Variants in SLC6A2 observed in about 807,000 individuals in gnomAD.
The protein encoded by SLC6A2 is solute carrier family 6 member 2.
SLC6A2 carries 26 observed loss-of-function variants against 71.7 expected under a neutral mutation model. The ratio of observed to expected loss-of-function variants is 0.36; its 90% confidence interval spans 0.27 to 0.50. The LOEUF (loss-of-function observed/expected upper bound fraction) is 0.50. SLC6A2 is among the 20% of genes least tolerant of loss of function. The pLI, the probability that SLC6A2 is intolerant of heterozygous loss-of-function variation, is 0.96. For missense variants in SLC6A2, 581 were observed against 803.9 expected, an observed-to-expected ratio of 0.72 and a Z score of 3.35; for synonymous variants, 363 against 337.9, an observed-to-expected ratio of 1.07 and a Z score of -0.82.
In SLC6A2 at chr16:55,656,573, C is replaced by G; in HGVS notation, c.-51-71C>G. On this transcript the variant is annotated intron_variant, in intron 1 of 14. Transcript: ENST00000568943. The surrounding 1 kb of genome is among the most constrained non-coding windows in gnomAD (Gnocchi z 4.5). ...CTCATCCCAGTGTCTAAGGCGCTCC[C>G]GGGTGGTCTTGGGAGTTGCAAGTAG... is the stretch of plus-strand genomic sequence containing the variant. 1 of 1,262,066 alleles carries G rather than the reference C, an allele frequency of 7.9e-7. No homozygotes were observed. Among genetic ancestry groups the G allele is most frequent in the Non-Finnish European group, 1.1e-6 (1 of 872,544 alleles). 78.2% of individuals were successfully genotyped at this position (1,262,066 alleles called of 1,614,324 possible).
chr16:55,668,013 G>C (rs1964801868), intron 2 of SLC6A2, among the ~76,000 whole-genome samples: 1 of 152,212 alleles, frequency 6.6e-6, no homozygotes, highest in African/African-American at 2.4e-5. Flanking sequence ...GGTAGTGTAA[G>C]TGGGATCAAG....
At chr16:55,669,800 G>A (rs2142509045) in intron 3 of SLC6A2, 104 bp downstream of exon 3, 1 of 1,299,128 alleles carries the variant, frequency 7.7e-7, no homozygotes, top group Non-Finnish European at 1.1e-6. Flanking sequence ...CTCCTGTCAT[G>A]TGGGATTCAC....
intron 10 of SLC6A2, 142 bp downstream of exon 10, chr16:55,698,167 C>G (rs1225421200): frequency 8.7e-6 from 8 of 915,336 alleles, no homozygotes; most frequent in Non-Finnish European, 1.1e-5. Context: ...GCGGCCTGAC[C>G]CACTAGGGTT....
chr16:55,694,709 G>A (rs1313907597), intron 7 of SLC6A2, among the ~76,000 whole-genome samples: 1 of 152,184 alleles, frequency 6.6e-6, no homozygotes, highest in Non-Finnish European at 1.5e-5. Flanking sequence ...CTATAGGGAG[G>A]TAAGGAAATG....
At chr16:55,675,735 T>C (rs1457405312) in intron 4 of SLC6A2, among the ~76,000 whole-genome samples, 1 of 152,034 alleles carries the variant, frequency 6.6e-6, no homozygotes, top group African/African-American at 2.4e-5. Flanking sequence ...TAAATAGACA[T>C]GTGTGGCCAG....
In SLC6A2 at chr16:55,703,808, T is replaced by C. The variant is rs563427804; in HGVS notation, c.*1462T>C. 1.0e-4 allele frequency: 99 copies of C among 985,266 alleles called. No homozygotes were observed. The South Asian group carries it at 4.0e-3, about 40-fold the overall frequency. The allele number at this position is 985,266 out of a possible 1,614,324, so 61.0% of individuals were successfully genotyped here. On this transcript the variant is annotated 3_prime_UTR_variant, in exon 15 of 15. Coordinates refer to ENST00000568943, the MANE Select transcript of SLC6A2 (RefSeq NM_001172501.3). ...CGTCAAGAAGGTGCTTTGCCTCAAATTGGGGTGTTGTTGAGCCTGGTGGTT... is the reference window on the plus strand; with the variant it reads ...CGTCAAGAAGGTGCTTTGCCTCAAACTGGGGTGTTGTTGAGCCTGGTGGTT...
Position 55,705,195 on chromosome 16 carries a change from A to C in SLC6A2, c.*2849A>C. On this transcript the variant is annotated 3_prime_UTR_variant, in exon 15 of 15. Transcript: ENST00000568943. ...CTCAATGTCTAGTTATTTAGCACCCACCTTTTAGCTTTCATTCTAGATGAA... is the reference window on the plus strand; with the variant it reads ...CTCAATGTCTAGTTATTTAGCACCCCCCTTTTAGCTTTCATTCTAGATGAA... The C allele has an allele frequency of 6.5e-7, 1 of 1,526,974 alleles. No individual in the cohort carries two copies. Among genetic ancestry groups the C allele is most frequent in the Non-Finnish European group, 8.8e-7 (1 of 1,138,322 alleles). 94.6% of individuals were successfully genotyped at this position (1,526,974 alleles called of 1,614,324 possible). A position where few individuals can be genotyped will look rare whatever the true frequency, so the allele number is the denominator to read the frequency against.
intron 2 of SLC6A2, among the ~76,000 whole-genome samples, chr16:55,667,411 G>T (rs957264010): frequency 3.3e-5 from 5 of 152,148 alleles, no homozygotes; most frequent in Non-Finnish European, 2.9e-5. Flanking sequence ...TCTCAGGGGT[G>T]GTTTTAAATA....
At chr16:55,679,752 G>A (rs1434834080) in intron 4 of SLC6A2, among the ~76,000 whole-genome samples, 2 of 152,202 alleles carry the variant, frequency 1.3e-5, no homozygotes, top group African/African-American at 4.8e-5. Flanking sequence ...TATAACTGGG[G>A]ACTGACAAGT....
At chr16:55,666,388 A>G (rs1224961435) in intron 2 of SLC6A2, among the ~76,000 whole-genome samples, 2 of 152,150 alleles carry the variant, frequency 1.3e-5, no homozygotes, top group Non-Finnish European at 2.9e-5. Flanking sequence ...TCATCCCTGG[A>G]GCTCCTTCCT....
At chr16:55,664,068 G>C (rs1411510671) in intron 2 of SLC6A2, among the ~76,000 whole-genome samples, 1 of 152,032 alleles carries the variant, frequency 6.6e-6, no homozygotes, top group African/African-American at 2.4e-5. Flanking sequence ...CATCTCCATA[G>C]AAGGCCCAAG....
Position 55,698,467 on chromosome 16 carries a change from A to G in SLC6A2, c.1390-2A>G. The G allele has an allele frequency of 6.2e-7, 1 of 1,611,350 alleles. No homozygotes were observed. The highest frequency in any genetic ancestry group is 8.5e-7 in the Non-Finnish European group (1 of 1,177,476). On this transcript the variant is annotated splice_acceptor_variant, in intron 10 of 14. Coordinates refer to ENST00000568943, the MANE Select transcript of SLC6A2 (RefSeq NM_001172501.3). LOFTEE classifies it high-confidence loss of function. ...TCTTGGCTTCTTCTCTCCCTGTGCC[A>G]GGGTGGAATTTACGTCTTGACCCTC... is the stretch of plus-strand genomic sequence containing the variant.
Position 55,656,553 on chromosome 16 carries a change from C to A in SLC6A2, c.-51-91C>A. ...CTGCGTCCGCTCAGCGCGCGCTCAT[C>A]CCAGTGTCTAAGGCGCTCCCGGGTG... On this transcript the variant is annotated intron_variant, in intron 1 of 14. Coordinates refer to ENST00000568943, the MANE Select transcript of SLC6A2 (RefSeq NM_001172501.3). The surrounding 1 kb of genome is among the most constrained non-coding windows in gnomAD (Gnocchi z 4.5). 1 of 1,037,220 alleles carries A rather than the reference C, an allele frequency of 9.6e-7. No individual in the cohort carries two copies. The highest frequency in any genetic ancestry group is 1.5e-6 in the Non-Finnish European group (1 of 676,264). The allele number at this position is 1,037,220 out of a possible 1,614,324, so 64.3% of individuals were successfully genotyped here. A position where few individuals can be genotyped will look rare whatever the true frequency, so the allele number is the denominator to read the frequency against.
In SLC6A2 at chr16:55,702,305, C is replaced by CG; in HGVS notation, c.1831-17dup. 2 of 1,613,950 alleles carry CG rather than the reference C, an allele frequency of 1.2e-6. No individual in the cohort carries two copies. Among genetic ancestry groups the CG allele is most frequent in the South Asian group, 2.2e-5 (2 of 91,078 alleles). On this transcript the variant is annotated splice_polypyrimidine_tract_variant and intron_variant, in intron 14 of 14. Transcript: ENST00000568943. ...TGTCCCCACCATGTCATCAAGTCCTCGCTGTCTTTCTCTGCAGTTGCAACA... is the reference window on the plus strand; with the variant it reads ...TGTCCCCACCATGTCATCAAGTCCTCGGCTGTCTTTCTCTGCAGTTGCAACA...
rs1436612558 is a variant in SLC6A2, at chr16:55,704,446, A to G, written c.*2100A>G. On this transcript the variant is annotated 3_prime_UTR_variant, in exon 15 of 15. Transcript: ENST00000568943. ...CACCCAGGACTGTCATTTTTAAAAAACTCATTCAAACCGCAAAGGAAAATT... is the reference window on the plus strand; with the variant it reads ...CACCCAGGACTGTCATTTTTAAAAAGCTCATTCAAACCGCAAAGGAAAATT... 1 of 152,068 alleles carries G rather than the reference A, an allele frequency of 6.6e-6. No individual in the cohort carries two copies. The highest frequency in any genetic ancestry group is 2.4e-5 in the African/African-American group (1 of 41,402). The allele number at this position is 152,068 out of a possible 1,614,324, so 9.4% of individuals were successfully genotyped here.
chr16:55,677,665 T>TTTTGTTTGTTTGTTTG (rs139207409), intron 4 of SLC6A2, among the ~76,000 whole-genome samples: 18 of 150,738 alleles, frequency 1.2e-4, no homozygotes, highest in African/African-American at 4.4e-4. Flanking sequence ...CAGAGTTGTT[T>TTTTGTTTGTTTGTTTG]TTTGTTTGTT....
At chr16:55,660,871 A>G (rs1964592067) in intron 2 of SLC6A2, among the ~76,000 whole-genome samples, 2 of 152,356 alleles carry the variant, frequency 1.3e-5, no homozygotes, top group Admixed American at 1.3e-4. Context: ...CTGGCCCAGA[A>G]TGGAGGATAT....
At chr16:55,677,375 G>A (rs936499945) in intron 4 of SLC6A2, among the ~76,000 whole-genome samples, 11 of 152,026 alleles carry the variant, frequency 7.2e-5, no homozygotes, top group South Asian at 2.1e-4. Context: ...TTTTGCTCTC[G>A]GCAACCCTTG....
At chr16:55,682,189 G>A (rs1391286063) in intron 4 of SLC6A2, among the ~76,000 whole-genome samples, 2 of 152,218 alleles carry the variant, frequency 1.3e-5, no homozygotes, top group African/African-American at 4.8e-5. Flanking sequence ...TTATAGGCAT[G>A]AGCCACCATG....
Sources: allele counts gnomAD v4.1 joint callset (sites outside exome capture counted in the v4.1 genomes callset), GRCh38; gene constraint gnomAD v4.1.1; non-coding constraint Gnocchi (gnomAD v3.1); transcripts MANE v1.5; gene names NCBI Gene and HGNC (gene_info 2026-07-23, HGNC 2026-07-21).